Variants in RIC8B observed in about 807,000 individuals in gnomAD.
RIC8B encodes RIC8 guanine nucleotide exchange factor B.
RIC8B carries 16 observed loss-of-function variants against 57.5 expected under a neutral mutation model. The observed-to-expected ratio is 0.28, with a 90% confidence interval of 0.19 to 0.42. RIC8B has a LOEUF of 0.42. Ranked by LOEUF, RIC8B falls within the 10% of genes least tolerant of loss-of-function variation. RIC8B has a pLI of 1.00. For synonymous variants in RIC8B, 216 were observed against 250.8 expected (o/e 0.86, Z 1.31); for missense variants, 481 against 677.0 (o/e 0.71, Z 3.21).
chr12:106,801,000 G>T (rs2044706040), intron 2 of RIC8B, among the ~76,000 whole-genome samples: 1 of 152,128 alleles, frequency 6.6e-6, no homozygotes. Flanking sequence ...AATGAGTATT[G>T]TTCTCTCATT....
At chr12:106,866,778 A>C (rs1950158502) in intron 8 of RIC8B, among the ~76,000 whole-genome samples, 1 of 152,172 alleles carries the variant, frequency 6.6e-6, no homozygotes, top group Non-Finnish European at 1.5e-5. Flanking sequence ...GAAAAAATGG[A>C]AGTTCTGTTA....
intron 4 of RIC8B, among the ~76,000 whole-genome samples, chr12:106,834,130 A>G (rs1379769250): frequency 6.6e-6 from 1 of 152,212 alleles, no homozygotes; most frequent in African/African-American, 2.4e-5. Flanking sequence ...TTATGGGACT[A>G]ATACAGTACT....
At chr12:106,847,415 T>C (rs972606322) in intron 6 of RIC8B, among the ~76,000 whole-genome samples, 1 of 152,174 alleles carries the variant, frequency 6.6e-6, no homozygotes. Context: ...ATGAAATCAT[T>C]TGTTACATGT....
intron 3 of RIC8B, among the ~76,000 whole-genome samples, chr12:106,822,092 AAAAAAAAAAGAAG>A (rs2045874385): frequency 6.6e-6 from 1 of 150,584 alleles, no homozygotes; most frequent in African/African-American, 2.4e-5. Flanking sequence ...AAAAAAAAAA[AAAAAAAAAAGAAG>A]AAAAAAAAAG....
chr12:106,816,785 T>C (rs1452843142), intron 3 of RIC8B, among the ~76,000 whole-genome samples: 2 of 152,342 alleles, frequency 1.3e-5, no homozygotes, highest in East Asian at 3.9e-4. Flanking sequence ...TATATTGAGA[T>C]TATCCCTTAT....
At chr12:106,802,771 T>C (rs1436280312) in intron 2 of RIC8B, among the ~76,000 whole-genome samples, 1 of 152,136 alleles carries the variant, frequency 6.6e-6, no homozygotes, top group Non-Finnish European at 1.5e-5. Flanking sequence ...TTTTCTGCTG[T>C]AGCTTTCTCT....
At chr12:106,786,237 C>T (rs1259548522) in intron 2 of RIC8B, among the ~76,000 whole-genome samples, 1 of 150,610 alleles carries the variant, frequency 6.6e-6, no homozygotes, top group African/African-American at 2.5e-5. Flanking sequence ...GCAAGCTCCG[C>T]CTCCCAGGTT....
At chr12:106,873,018 CCTT>C (rs1950512513) in intron 9 of RIC8B, 1 of 985,196 alleles carries the variant, frequency 1.0e-6, no homozygotes, top group African/African-American at 1.7e-5. Flanking sequence ...AGGTCCTTCT[CCTT>C]TTAATCTCAG....
chr12:106,808,875 A>T (rs1338346476), intron 2 of RIC8B, among the ~76,000 whole-genome samples: 1 of 152,204 alleles, frequency 6.6e-6, no homozygotes, highest in African/African-American at 2.4e-5. Context: ...ACCTCTTAAG[A>T]TAGTATATAA....
chr12:106,803,340 C>G (rs538206964), intron 2 of RIC8B, among the ~76,000 whole-genome samples: 3 of 149,784 alleles, frequency 2.0e-5, no homozygotes, highest in Admixed American at 6.7e-5. Flanking sequence ...TTTATAGAAT[C>G]TTTTGTACTG....
At position 106,834,705 on chromosome 12, in the gene RIC8B, C is replaced by T. The variant is rs542839809; in HGVS notation, c.837-7884C>T. On this transcript the variant is annotated intron_variant, in intron 4 of 9. Coordinates refer to ENST00000392837, the MANE Select transcript of RIC8B (RefSeq NM_001330145.2). ...ATAATAAAAATAAAACTATTTCGGC[C>T]GGGTGTAGTGGCTCACGCCTGTAAT... 1.3e-4 allele frequency among the ~76,000 whole-genome samples: 19 copies of T among 151,956 alleles called. No homozygotes were observed. The East Asian group carries it at 1.5e-3, about 12-fold the overall frequency.
chr12:106,825,980 T>C (rs1284669315), intron 4 of RIC8B, among the ~76,000 whole-genome samples, 160 bp downstream of exon 4: 3 of 152,250 alleles, frequency 2.0e-5, no homozygotes, highest in African/African-American at 7.2e-5. Context: ...ATCATTACTA[T>C]GCCCTGATGA....
chr12:106,856,912 A>G (rs1046851129), intron 7 of RIC8B, among the ~76,000 whole-genome samples: 2 of 152,190 alleles, frequency 1.3e-5, no homozygotes, highest in Admixed American at 6.6e-5. Flanking sequence ...TGCTATGGCA[A>G]CCTGGAAGAG....
chr12:106,787,387 A>G (rs1335715685), intron 2 of RIC8B, among the ~76,000 whole-genome samples: 2 of 152,216 alleles, frequency 1.3e-5, no homozygotes, highest in African/African-American at 2.4e-5. Flanking sequence ...TCTATACCTT[A>G]ATAAGCTTTT....
intron 9 of RIC8B, among the ~76,000 whole-genome samples, chr12:106,875,685 G>A (rs1328971045): frequency 2.6e-5 from 4 of 151,834 alleles, no homozygotes; most frequent in Admixed American, 2.6e-4. Flanking sequence ...TATATATTCT[G>A]CCATCAAAAT....
At chr12:106,865,117 A>G (rs888743338) in intron 8 of RIC8B, among the ~76,000 whole-genome samples, 8 of 152,120 alleles carry the variant, frequency 5.3e-5, no homozygotes, top group African/African-American at 1.9e-4. Context: ...TCTCTTGCGT[A>G]TATACCCAGA....
chr12:106,879,408 GGA>G lies in RIC8B; in HGVS notation c.1572-6495_1572-6494del, dbSNP rs2136657741. The stretch of plus-strand genomic sequence containing the variant: ...CATTTTTGGGGGAAAGAGTCATATA[GGA>G]ACCAGAAGCCCTAAAAAGCAGAACC... On this transcript the variant is annotated intron_variant, in intron 9 of 9. Coordinates refer to ENST00000392837, the MANE Select transcript of RIC8B (RefSeq NM_001330145.2). This position sits in a 1 kb window ranked among gnomAD's most constrained non-coding sequence, Gnocchi z 4.9. The G allele has an allele frequency of 2.0e-6, 2 of 985,250 alleles. No individual in the cohort carries two copies. The highest frequency in any genetic ancestry group is 2.4e-6 in the Non-Finnish European group (2 of 829,900). The allele number at this position is 985,250 out of a possible 1,614,324, so 61.0% of individuals were successfully genotyped here. A position where few individuals can be genotyped will look rare whatever the true frequency, so the allele number is the denominator to read the frequency against.
At chr12:106,873,504 CT>C (rs112486672) in intron 9 of RIC8B, among the ~76,000 whole-genome samples, 2,914 of 152,234 alleles carry the variant, frequency 0.019, 96 homozygotes, top group African/African-American at 0.066. Flanking sequence ...AGTTTCTTCT[CT>C]CTTTCCACTT....
At chr12:106,781,457 T>C (rs2043759449) in intron 1 of RIC8B, among the ~76,000 whole-genome samples, 1 of 152,200 alleles carries the variant, frequency 6.6e-6, no homozygotes, top group Non-Finnish European at 1.5e-5. Context: ...CTAAGTTGGA[T>C]AAAAGAACCC....
Sources: gnomAD v4.1 joint callset for allele counts (sites outside exome capture counted in the v4.1 genomes callset) on GRCh38, gnomAD v4.1.1 for gene constraint, Gnocchi (gnomAD v3.1) non-coding constraint, MANE v1.5 for transcripts, NCBI Gene and HGNC (gene_info 2026-07-23, HGNC 2026-07-21) for gene names.